ZNF385B: variants seen among roughly 807,000 people sequenced by gnomAD.
ZNF385B encodes zinc finger protein 533.
In ZNF385B, 23 loss-of-function variants were observed where a neutral mutation model predicts 39.2. The observed-to-expected ratio is 0.59, with a 90% confidence interval of 0.42 to 0.83. ZNF385B has a LOEUF of 0.83. Among genes scored for constraint, ZNF385B ranks in the 40% least tolerant of loss-of-function variants. The pLI is 0.00. For synonymous variants in ZNF385B, 205 were observed against 222.6 expected (o/e 0.92, Z 0.70); for missense variants, 552 against 598.9 (o/e 0.92, Z 0.82).
chr2:179,530,891 C>T (rs958071002), intron 4 of ZNF385B, among the ~76,000 whole-genome samples: 1 of 152,070 alleles, frequency 6.6e-6, no homozygotes, highest in South Asian at 2.1e-4. Flanking sequence ...TTCCACATGC[C>T]ACATAACCGT....
At chr2:179,805,418 T>C (rs1559210716) in intron 1 of ZNF385B, among the ~76,000 whole-genome samples, 1 of 152,242 alleles carries the variant, frequency 6.6e-6, no homozygotes. Flanking sequence ...TGGGTTGTTA[T>C]AGCAAGATGA....
chr2:179,732,381 T>C (rs1701451673), intron 3 of ZNF385B, among the ~76,000 whole-genome samples: 2 of 152,156 alleles, frequency 1.3e-5, no homozygotes, highest in South Asian at 4.1e-4. Flanking sequence ...CTGATCATAA[T>C]AGGAAAAGGG....
Position 179,443,004 on chromosome 2 carries a change from G to C in ZNF385B, c.*246C>G. ...TATCTGAGATACACAAATTGAACGC[G>C]GTAGGGTGGGGGAGGAAGTAGGGAG... On this transcript the variant is annotated 3_prime_UTR_variant, in exon 10 of 10. Coordinates refer to ENST00000410066, the MANE Select transcript of ZNF385B (RefSeq NM_152520.6). The C allele has an allele frequency of 1.7e-6, 1 of 583,028 alleles. No individual in the cohort carries two copies. The highest frequency in any genetic ancestry group is 2.0e-5 in the South Asian group (1 of 49,874). The allele number at this position is 583,028 out of a possible 1,614,324, so 36.1% of individuals were successfully genotyped here. A position where few individuals can be genotyped will look rare whatever the true frequency, so the allele number is the denominator to read the frequency against.
At chr2:179,791,152 T>G (rs1000180598) in intron 1 of ZNF385B, among the ~76,000 whole-genome samples, 1 of 152,230 alleles carries the variant, frequency 6.6e-6, no homozygotes, top group Non-Finnish European at 1.5e-5. Flanking sequence ...TGATCACTTC[T>G]CTTGCCAGGA....
chr2:179,798,360 A>G (rs1231751737), intron 1 of ZNF385B, among the ~76,000 whole-genome samples: 2 of 152,088 alleles, frequency 1.3e-5, no homozygotes, highest in Non-Finnish European at 2.9e-5. Flanking sequence ...TCTGGTGGCT[A>G]GGAGTGCTCA....
chr2:179,660,937 C>T (rs1694394385), intron 3 of ZNF385B, among the ~76,000 whole-genome samples: 1 of 152,180 alleles, frequency 6.6e-6, no homozygotes, highest in Admixed American at 6.6e-5. Context: ...TATTATCCTC[C>T]AATAGATACT....
At chr2:179,538,295 A>C (rs1169626959) in intron 4 of ZNF385B, among the ~76,000 whole-genome samples, 1 of 152,190 alleles carries the variant, frequency 6.6e-6, no homozygotes, top group Non-Finnish European at 1.5e-5. Context: ...ATAAGAGAAA[A>C]ATACATATTC....
rs191720407 is a variant in ZNF385B at position 179,689,968 on chromosome 2, G to C, written c.298+79535C>G. ...AAAGCTCTCTTTGTCTTCTAGTAAC[G>C]TCAGAGTCTAGGAACAATAATTGAT... is the stretch of plus-strand genomic sequence containing the variant. On this transcript the variant is annotated intron_variant, in intron 3 of 9. Coordinates refer to ENST00000410066, the MANE Select transcript of ZNF385B (RefSeq NM_152520.6). Among the ~76,000 whole-genome samples, 12 of 151,936 alleles carry C rather than the reference G, an allele frequency of 7.9e-5. No homozygotes were observed. In the South Asian group the frequency reaches 2.3e-3, roughly 29 times the overall value.
intron 3 of ZNF385B, among the ~76,000 whole-genome samples, chr2:179,629,964 G>T (rs1382012084): frequency 6.6e-6 from 1 of 152,258 alleles, no homozygotes; most frequent in Non-Finnish European, 1.5e-5. Context: ...GGCTGGGGGA[G>T]GGGTGTCTGC....
chr2:179,701,783 A>C (rs1487865853), intron 3 of ZNF385B, among the ~76,000 whole-genome samples: 1 of 152,204 alleles, frequency 6.6e-6, no homozygotes, highest in Non-Finnish European at 1.5e-5. Context: ...AGTAACTGGC[A>C]TCTCAACAAT....
At chr2:179,841,341 C>T (rs973696891) in intron 1 of ZNF385B, among the ~76,000 whole-genome samples, 2 of 152,130 alleles carry the variant, frequency 1.3e-5, no homozygotes, top group Non-Finnish European at 2.9e-5. Flanking sequence ...GGGCCCAGGT[C>T]CCAACCCACT....
intron 3 of ZNF385B, among the ~76,000 whole-genome samples, chr2:179,642,008 T>C (rs1245844443): frequency 2.6e-5 from 4 of 152,184 alleles, no homozygotes; most frequent in Non-Finnish European, 4.4e-5. Flanking sequence ...GGGCAAGTTA[T>C]TAAGCACAGC....
chr2:179,543,240 A>G (rs1475509663), intron 4 of ZNF385B, among the ~76,000 whole-genome samples: 1 of 152,108 alleles, frequency 6.6e-6, no homozygotes, highest in Non-Finnish European at 1.5e-5. Flanking sequence ...CCATTTCACT[A>G]CAGCCTGGGC....
intron 5 of ZNF385B, among the ~76,000 whole-genome samples, chr2:179,489,934 C>A (rs2055026515): frequency 6.6e-6 from 1 of 152,168 alleles, no homozygotes; most frequent in South Asian, 2.1e-4. Context: ...TTGCTAATTG[C>A]TAATTTATAG....
At chr2:179,454,849 A>G (rs1279363755) in intron 6 of ZNF385B, among the ~76,000 whole-genome samples, 1 of 152,228 alleles carries the variant, frequency 6.6e-6, no homozygotes, top group African/African-American at 2.4e-5. Flanking sequence ...AAGTGTTATT[A>G]CAAAAAAGTC....
intron 3 of ZNF385B, among the ~76,000 whole-genome samples, chr2:179,639,473 A>G (rs559123262): frequency 1.4e-4 from 21 of 152,266 alleles, no homozygotes; most frequent in Non-Finnish European, 1.5e-4. Flanking sequence ...TGATTTAATC[A>G]TTTCACAATG....
chr2:179,834,335 C>T (rs1363217184), intron 1 of ZNF385B, among the ~76,000 whole-genome samples: 1 of 152,048 alleles, frequency 6.6e-6, no homozygotes, highest in Non-Finnish European at 1.5e-5. Context: ...ACAAAGTGAG[C>T]CTGAACCTCC....
chr2:179,807,363 C>T (rs1231026416), intron 1 of ZNF385B, among the ~76,000 whole-genome samples: 1 of 152,126 alleles, frequency 6.6e-6, no homozygotes, highest in Non-Finnish European at 1.5e-5. Context: ...TTTGGGAGGC[C>T]GAGGTGGGCA....
chr2:179,487,854 C>G (rs1223192585), intron 5 of ZNF385B, among the ~76,000 whole-genome samples: 1 of 152,202 alleles, frequency 6.6e-6, no homozygotes, highest in Non-Finnish European at 1.5e-5. Flanking sequence ...CATAAGAATT[C>G]ATCAGCATAT....
Sources: gnomAD v4.1 joint callset for allele counts (sites outside exome capture counted in the v4.1 genomes callset) on GRCh38, gnomAD v4.1.1 for gene constraint, MANE v1.5 for transcripts, NCBI Gene and HGNC (gene_info 2026-07-23, HGNC 2026-07-21) for gene names.